MEF2D: variants seen among roughly 807,000 people sequenced by gnomAD.
MEF2D encodes the protein myocyte enhancer factor 2D.
A neutral mutation model predicts 59.3 loss-of-function variants in MEF2D; 10 were observed. The observed-to-expected ratio is 0.17, with a 90% confidence interval of 0.10 to 0.29. The LOEUF (loss-of-function observed/expected upper bound fraction) is 0.29, where lower values mean the gene tolerates loss of function less well. Among genes scored for constraint, MEF2D ranks in the 10% least tolerant of loss-of-function variants. The pLI, the probability that MEF2D is intolerant of heterozygous loss-of-function variation, is 1.00. For synonymous variants in MEF2D, 305 were observed against 295.0 expected, an observed-to-expected ratio of 1.03 and a Z score of -0.35; for missense variants, 508 against 699.4, an observed-to-expected ratio of 0.73 and a Z score of 3.09.
At chr1:156,490,326 A>C (rs1346812082) in intron 1 of MEF2D, among the ~76,000 whole-genome samples, 1 of 151,112 alleles carries the variant, frequency 6.6e-6, no homozygotes, top group Non-Finnish European at 1.5e-5. Context: ...AAGTGCTTCT[A>C]GGGTCTGATC....
chr1:156,486,357 G>A (rs1020668393), intron 1 of MEF2D, among the ~76,000 whole-genome samples: 13 of 152,222 alleles, frequency 8.5e-5, no homozygotes, highest in African/African-American at 2.9e-4. Flanking sequence ...CTTTGGCAGG[G>A]AAGGTAGGGG....
chr1:156,480,503 G>T, intron 4 of MEF2D: 1 of 852,650 alleles, frequency 1.2e-6, no homozygotes, highest in Non-Finnish European at 1.7e-6. Context: ...GGTTTATCAT[G>T]ACCAAGGTCA....
In MEF2D at chr1:156,469,098, G is replaced by C. The variant is rs561928151; in HGVS notation, c.1007-78C>G. 2.0e-6 allele frequency: 3 copies of C among 1,514,596 alleles called. No individual in the cohort carries two copies. In the East Asian group the frequency reaches 6.9e-5, roughly 35 times the overall value. 93.8% of individuals were successfully genotyped at this position (1,514,596 alleles called of 1,614,324 possible). Reference sequence around the variant, plus strand: ...TCCTATGAGGGAGCTGCCTCCAGGAGGACTGTGGGGATGAGGGGACAGGGA... The same window carrying C: ...TCCTATGAGGGAGCTGCCTCCAGGACGACTGTGGGGATGAGGGGACAGGGA... On this transcript the variant is annotated intron_variant, in intron 9 of 11. Coordinates refer to ENST00000348159, the MANE Select transcript of MEF2D (RefSeq NM_005920.4).
At chr1:156,491,388 G>C (rs1190843547) in intron 1 of MEF2D, among the ~76,000 whole-genome samples, 1 of 152,204 alleles carries the variant, frequency 6.6e-6, no homozygotes, top group East Asian at 1.9e-4. Flanking sequence ...AAGTCACGGA[G>C]AGGAACTGAA....
At chr1:156,477,275 C>T in intron 6 of MEF2D, 73 bp from the exon 7 acceptor site, 3 of 1,323,258 alleles carry the variant, frequency 2.3e-6, no homozygotes, top group African/African-American at 1.5e-5. Context: ...CTTCCCCACA[C>T]CAATACTCCT....
rs186698481 is a variant in MEF2D at position 156,483,254 on chromosome 1, G to A, written c.39C>T (p.Asp13=). ...RKKIQIQRIT[D]ERNRQVTFTK... ...ACTTCCCTACCTGTCGGTTCCGCTC[G>A]TCGGTGATTCGCTGGATCTGAATCT... The change falls in exon 2 of 12, where the codon GAC becomes GAT. Residue 13 remains aspartate, a synonymous_variant. Transcript: ENST00000348159. The A allele has an allele frequency of 1.3e-5, 21 of 1,614,082 alleles. No individual in the cohort carries two copies. Among genetic ancestry groups the A allele is most frequent in the Admixed American group, 5.0e-5 (3 of 60,014 alleles).
intron 6 of MEF2D, among the ~76,000 whole-genome samples, chr1:156,478,248 T>C (rs532961445): frequency 5.9e-5 from 9 of 152,130 alleles, no homozygotes; most frequent in Non-Finnish European, 1.3e-4. Context: ...CAGGGAGGTA[T>C]TATACAGTGC....
intron 1 of MEF2D, among the ~76,000 whole-genome samples, chr1:156,492,606 C>T (rs1266390217): frequency 6.6e-6 from 1 of 152,250 alleles, no homozygotes; most frequent in East Asian, 1.9e-4. Context: ...GCCATCCCTC[C>T]CACCGCAGCC....
Position 156,465,545 on chromosome 1 carries a change from C to CA in MEF2D, c.*2099dup, listed in dbSNP as rs1670784741. 1.3e-5 allele frequency: 2 copies of CA among 152,456 alleles called. No homozygotes were observed. Among genetic ancestry groups the CA allele is most frequent in the African/African-American group, 2.4e-5 (1 of 41,402 alleles). The allele number at this position is 152,456 out of a possible 1,614,324, so 9.4% of individuals were successfully genotyped here. On this transcript the variant is annotated 3_prime_UTR_variant, in exon 12 of 12. Transcript: ENST00000348159. ...TTTGTAAACACACACCAGGCACACT[C>CA]AGACACAGAGATGCCCCTAGAGCTC...
Position 156,481,716 on chromosome 1 carries a change from C to G in MEF2D, c.258+721G>C, listed in dbSNP as rs1043871175. Reference sequence around the variant, plus strand: ...AAATAAGGGACTTTCCTCCAAATCTCTGAGTAGGCCTGTGGCTTCCCGGGC... The same window carrying G: ...AAATAAGGGACTTTCCTCCAAATCTGTGAGTAGGCCTGTGGCTTCCCGGGC... On this transcript the variant is annotated intron_variant, in intron 3 of 11. Transcript: ENST00000348159. 2.6e-5 allele frequency among the ~76,000 whole-genome samples: 4 copies of G among 152,366 alleles called. No homozygotes were observed. The East Asian group carries it at 7.7e-4, about 29-fold the overall frequency.
intron 3 of MEF2D, among the ~76,000 whole-genome samples, chr1:156,481,895 C>T (rs1339251053): frequency 1.3e-5 from 2 of 152,258 alleles, no homozygotes; most frequent in African/African-American, 4.8e-5. Flanking sequence ...TAAGCACCTG[C>T]CCAAGGCCAT....
intron 1 of MEF2D, among the ~76,000 whole-genome samples, chr1:156,487,847 C>G (rs915982436): frequency 3.9e-5 from 6 of 152,232 alleles, no homozygotes; most frequent in Non-Finnish European, 5.9e-5. Flanking sequence ...TACTCCTCCT[C>G]TAGGAAGCCC....
intron 1 of MEF2D, among the ~76,000 whole-genome samples, chr1:156,485,365 T>C (rs936216676): frequency 1.3e-5 from 2 of 152,014 alleles, no homozygotes; most frequent in African/African-American, 4.8e-5. Context: ...AGGCAAGGAA[T>C]CTATCAATTT....
chr1:156,494,994 G>C (rs1673045118), intron 1 of MEF2D, among the ~76,000 whole-genome samples: 1 of 152,116 alleles, frequency 6.6e-6, no homozygotes, highest in South Asian at 2.1e-4. Flanking sequence ...GCCTCTTGTG[G>C]TCCAAGCCTT....
chr1:156,488,745 T>C (rs1672542225), intron 1 of MEF2D, among the ~76,000 whole-genome samples: 1 of 152,130 alleles, frequency 6.6e-6, no homozygotes, highest in Non-Finnish European at 1.5e-5. Flanking sequence ...GCTATCTCAG[T>C]TCCTGTGTGA....
rs182605263 is a variant in MEF2D at position 156,466,791 on chromosome 1, A to T, written c.*854T>A. On this transcript the variant is annotated 3_prime_UTR_variant, in exon 12 of 12. Transcript: ENST00000348159. ...GAGGGGTGGGGAGCTATTGCACTGT[A>T]TATCTTAGAGAAAAACTGGGGAAGG... The T allele has an allele frequency of 6.5e-6, 1 of 152,742 alleles. No homozygotes were observed. The highest frequency in any genetic ancestry group is 1.5e-5 in the Non-Finnish European group (1 of 68,180). The allele number at this position is 152,742 out of a possible 1,614,324, so 9.5% of individuals were successfully genotyped here. A position where few individuals can be genotyped will look rare whatever the true frequency, so the allele number is the denominator to read the frequency against.
intron 1 of MEF2D, among the ~76,000 whole-genome samples, chr1:156,498,103 A>AC (rs1491083569): frequency 5.1e-5 from 2 of 39,182 alleles, no homozygotes; most frequent in African/African-American, 9.7e-5. Context: ...GGAAAGATTA[A>AC]AAAAAAAAAA....
intron 8 of MEF2D, among the ~76,000 whole-genome samples, chr1:156,475,440 G>T (rs989178317): frequency 6.6e-6 from 1 of 152,264 alleles, no homozygotes; most frequent in Non-Finnish European, 1.5e-5. Context: ...TGCACACACA[G>T]ATTCACTGAC....
At chr1:156,478,692 G>A (rs1387635473) in intron 6 of MEF2D, among the ~76,000 whole-genome samples, 1 of 152,018 alleles carries the variant, frequency 6.6e-6, no homozygotes, top group South Asian at 2.1e-4. Flanking sequence ...CACCACACCC[G>A]GCTAATTTTG....
Sources: allele counts gnomAD v4.1 joint callset (sites outside exome capture counted in the v4.1 genomes callset), GRCh38; gene constraint gnomAD v4.1.1; transcripts MANE v1.5; gene names NCBI Gene and HGNC (gene_info 2026-07-23, HGNC 2026-07-21).